HERPUD2: variants seen among roughly 807,000 people sequenced by gnomAD.
The protein encoded by HERPUD2 is homocysteine-responsive endoplasmic reticulum-resident ubiquitin-like domain member 2 protein.
Under a neutral mutation model 49.9 loss-of-function variants are expected in HERPUD2, and 13 were observed. The observed-to-expected ratio is 0.26, with a 90% CI of 0.17 to 0.41. HERPUD2 has a LOEUF of 0.41. Among genes scored for constraint, HERPUD2 ranks in the 10% least tolerant of loss-of-function variants. The pLI, the probability that HERPUD2 is intolerant of heterozygous loss-of-function variation, is 1.00. For missense variants in HERPUD2, 449 were observed against 492.2 expected, an observed-to-expected ratio of 0.91 and a Z score of 0.83; for synonymous variants, 172 against 171.4, an observed-to-expected ratio of 1.00 and a Z score of -0.03.
Position 35,663,179 on chromosome 7 carries a change from T to G in HERPUD2, c.494+4255A>C, listed in dbSNP as rs184715316. Among the ~76,000 whole-genome samples the G allele has an allele frequency of 5.1e-4, 77 of 152,328 alleles. 1 individual carries two copies. Among genetic ancestry groups the G allele is most frequent in the African/African-American group, 1.8e-3 (76 of 41,570 alleles). ...TTCAGTTTCCATGTAGTTGAGCGGT[T>G]TTGACTGAGTTTCTTAATTCTGAGC... is the stretch of plus-strand genomic sequence containing the variant. On this transcript the variant is annotated intron_variant, in intron 5 of 8. Coordinates refer to ENST00000311350, the MANE Select transcript of HERPUD2 (RefSeq NM_022373.5).
At chr7:35,656,726 A>G (rs1288882027) in intron 5 of HERPUD2, among the ~76,000 whole-genome samples, 3 of 152,096 alleles carry the variant, frequency 2.0e-5, no homozygotes, top group Admixed American at 2.0e-4. Context: ...AAGCCAACTG[A>G]TTTTCAACAA....
chr7:35,639,893 T>C (rs547826927), intron 5 of HERPUD2, among the ~76,000 whole-genome samples: 27 of 152,294 alleles, frequency 1.8e-4, no homozygotes, highest in African/African-American at 6.5e-4. Context: ...GGCAGCCACA[T>C]AGGGTCCCAT....
At chr7:35,644,087 G>C (rs1381432452) in intron 5 of HERPUD2, among the ~76,000 whole-genome samples, 2 of 152,006 alleles carry the variant, frequency 1.3e-5, no homozygotes, top group Non-Finnish European at 2.9e-5. Flanking sequence ...TAATTCATTA[G>C]GGACTAGGAT....
intron 2 of HERPUD2, among the ~76,000 whole-genome samples, chr7:35,675,334 T>C (rs1785738832): frequency 6.6e-6 from 1 of 152,212 alleles, no homozygotes; most frequent in Non-Finnish European, 1.5e-5. Flanking sequence ...ATATAGGCAC[T>C]GAATGGCAAA....
intron 4 of HERPUD2, 25 bp downstream of exon 4, chr7:35,670,190 G>A (rs558120238): frequency 1.7e-6 from 2 of 1,198,674 alleles, no homozygotes; most frequent in South Asian, 1.5e-5. Flanking sequence ...AAAGTTCAAT[G>A]TTTACTCCTC....
chr7:35,665,021 C>T (rs1399717394), intron 5 of HERPUD2, among the ~76,000 whole-genome samples: 3 of 152,166 alleles, frequency 2.0e-5, no homozygotes, highest in African/African-American at 4.8e-5. Context: ...GTGCCAGTCG[C>T]CCCCCTACTG....
intron 2 of HERPUD2, among the ~76,000 whole-genome samples, chr7:35,692,765 C>A (rs1229808494): frequency 6.6e-6 from 1 of 152,116 alleles, no homozygotes; most frequent in African/African-American, 2.4e-5. Flanking sequence ...TTCTGTGGTT[C>A]TTCTGCAAGT....
chr7:35,675,309 T>G (rs1785738399), intron 2 of HERPUD2, among the ~76,000 whole-genome samples: 1 of 152,144 alleles, frequency 6.6e-6, no homozygotes, highest in African/African-American at 2.4e-5. Context: ...ACTCAGTTAG[T>G]TTTTTCCTAT....
intron 5 of HERPUD2, among the ~76,000 whole-genome samples, chr7:35,645,562 T>C (rs1260361691): frequency 6.6e-6 from 1 of 152,218 alleles, no homozygotes; most frequent in Admixed American, 6.5e-5. Context: ...TCACTTCCAT[T>C]GTCAATAGGT....
chr7:35,673,124 G>T, intron 3 of HERPUD2, 77 bp downstream of exon 3: 1 of 1,099,232 alleles, frequency 9.1e-7, no homozygotes, highest in Non-Finnish European at 1.4e-6. Flanking sequence ...AACTGAACTG[G>T]TTGAATAAAA....
chr7:35,658,612 T>C (rs369566379), intron 5 of HERPUD2, among the ~76,000 whole-genome samples: 34 of 152,330 alleles, frequency 2.2e-4, no homozygotes, highest in African/African-American at 7.7e-4. Flanking sequence ...AAATAAATTA[T>C]AACAAAACAG....
At chr7:35,656,944 T>C (rs1341510554) in intron 5 of HERPUD2, among the ~76,000 whole-genome samples, 1 of 152,138 alleles carries the variant, frequency 6.6e-6, no homozygotes, top group Non-Finnish European at 1.5e-5. Context: ...CTTCAGGATA[T>C]AGGTCCCATC....
Position 35,694,379 on chromosome 7 carries a change from A to G in HERPUD2, c.-49T>C, listed in dbSNP as rs1437516229. ...TCCAGAGGAGCGGCAGTTAAGCCCA[A>G]AAGAGCCGAGATGGTCACCGCCGGC... On this transcript the variant is annotated 5_prime_UTR_variant, in exon 2 of 9. Transcript: ENST00000311350. 3.1e-6 allele frequency: 5 copies of G among 1,610,286 alleles called. No individual in the cohort carries two copies. The highest frequency in any genetic ancestry group is 4.2e-6 in the Non-Finnish European group (5 of 1,176,968).
chr7:35,658,228 G>GA (rs1164270216), intron 5 of HERPUD2, among the ~76,000 whole-genome samples: 3 of 152,124 alleles, frequency 2.0e-5, no homozygotes, highest in Non-Finnish European at 2.9e-5. Context: ...AGCCAGGCCA[G>GA]AAAAAACACA....
chr7:35,686,532 A>G (rs569070701), intron 2 of HERPUD2, among the ~76,000 whole-genome samples: 1 of 146,380 alleles, frequency 6.8e-6, no homozygotes, highest in South Asian at 2.2e-4. Context: ...CACCCGGCTA[A>G]AACGGTGAAA....
chr7:35,678,590 C>A (rs1341743955), intron 2 of HERPUD2, among the ~76,000 whole-genome samples: 1 of 152,200 alleles, frequency 6.6e-6, no homozygotes, highest in Non-Finnish European at 1.5e-5. Flanking sequence ...CGCGAGCCAC[C>A]ACGCCCAGCC....
intron 5 of HERPUD2, among the ~76,000 whole-genome samples, chr7:35,643,584 TTA>T (rs2115850146): frequency 6.6e-6 from 1 of 151,924 alleles, no homozygotes; most frequent in East Asian, 1.9e-4. Flanking sequence ...GAGGATATAT[TTA>T]TATGTGTGTA....
At chr7:35,639,941 T>C (rs1784941410) in intron 5 of HERPUD2, among the ~76,000 whole-genome samples, 1 of 152,258 alleles carries the variant, frequency 6.6e-6, no homozygotes, top group Middle Eastern at 3.4e-3. Flanking sequence ...ATTTTATATA[T>C]ATTTCCTTCA....
At chr7:35,664,114 G>T (rs1785488521) in intron 5 of HERPUD2, among the ~76,000 whole-genome samples, 1 of 152,116 alleles carries the variant, frequency 6.6e-6, no homozygotes, top group South Asian at 2.1e-4. Flanking sequence ...CTCAGCATTT[G>T]TTTGTCTGTA....
Sources: gnomAD v4.1 joint callset for allele counts (sites outside exome capture counted in the v4.1 genomes callset) on GRCh38, gnomAD v4.1.1 for gene constraint, MANE v1.5 for transcripts, NCBI Gene and HGNC (gene_info 2026-07-23, HGNC 2026-07-21) for gene names.